FBXL13: variants seen among roughly 807,000 people sequenced by gnomAD.
FBXL13 encodes F-box and leucine rich repeat protein 13, also known as F-box and leucine-rich repeat protein 13.
Under a neutral mutation model 83.6 loss-of-function variants are expected in FBXL13, and 67 were observed. That is an observed-to-expected ratio of 0.80 (90% CI 0.66 to 0.98). The LOEUF is 0.98. Ranked by LOEUF, FBXL13 falls within the 50% of genes least tolerant of loss-of-function variation. The pLI is 0.00. For synonymous variants in FBXL13, 272 were observed against 299.5 expected, an observed-to-expected ratio of 0.91 and a Z score of 0.95; for missense variants, 822 against 866.5, an observed-to-expected ratio of 0.95 and a Z score of 0.64.
At position 102,883,705 on chromosome 7, in the gene FBXL13, T is replaced by C. The variant is rs1474352736; in HGVS notation, c.1108-20A>G. On this transcript the variant is annotated intron_variant, in intron 12 of 19. Coordinates refer to ENST00000313221, the Ensembl canonical transcript of FBXL13. ...TAAAGCCTTTAGAAGAAAAAAATGA[T>C]TAAATTAATCAAGTGTACAGAACAG... is the stretch of plus-strand genomic sequence containing the variant. The C allele has an allele frequency of 6.8e-7, 1 of 1,460,058 alleles. No individual in the cohort carries two copies. The highest frequency in any genetic ancestry group is 1.7e-5 in the Admixed American group (1 of 57,656). 90.4% of individuals were successfully genotyped at this position (1,460,058 alleles called of 1,614,324 possible).
chr7:103,046,320 T>C (rs897147833), intron 2 of FBXL13, among the ~76,000 whole-genome samples: 17 of 152,396 alleles, frequency 1.1e-4, no homozygotes, highest in African/African-American at 3.8e-4. Context: ...TGTGTAACAA[T>C]AGGCTTTACA....
rs529986030 is a variant in FBXL13, at chr7:102,925,209, C to G, written c.878+1065G>C. 4.8e-4 allele frequency among the ~76,000 whole-genome samples: 73 copies of G among 152,188 alleles called. 1 individual carries two copies. The South Asian group carries it at 0.015, about 31-fold the overall frequency. ...AGGAGTTTCAGACCAGCCTGGGCAA[C>G]ATGGTGAAACCCCATCTCTACAGAA... On this transcript the variant is annotated intron_variant, in intron 10 of 19. Transcript: ENST00000313221.
intron 17 of FBXL13, among the ~76,000 whole-genome samples, chr7:102,843,997 G>C (rs1443990105): frequency 6.6e-6 from 1 of 152,082 alleles, no homozygotes; most frequent in East Asian, 1.9e-4. Flanking sequence ...TTCATCAGTG[G>C]TGTCATCTGC....
intron 9 of FBXL13, among the ~76,000 whole-genome samples, chr7:102,931,165 A>G (rs182431706): frequency 6.6e-6 from 1 of 152,362 alleles, no homozygotes; most frequent in East Asian, 1.9e-4. Flanking sequence ...CATTTTAAGC[A>G]AAGAGCAAAT....
At chr7:103,010,004 A>C (rs1362240909) in intron 6 of FBXL13, among the ~76,000 whole-genome samples, 1 of 152,132 alleles carries the variant, frequency 6.6e-6, no homozygotes, top group Non-Finnish European at 1.5e-5. Context: ...CTGAGCCAGA[A>C]GGCATAGCTT....
intron 6 of FBXL13, among the ~76,000 whole-genome samples, chr7:103,022,047 A>G (rs1280950007): frequency 6.6e-6 from 1 of 152,206 alleles, no homozygotes; most frequent in East Asian, 1.9e-4. Flanking sequence ...TTATTGCGGC[A>G]CTAGTCACAA....
At chr7:102,878,112 T>C (rs934220218) in intron 15 of FBXL13, among the ~76,000 whole-genome samples, 1 of 152,106 alleles carries the variant, frequency 6.6e-6, no homozygotes, top group African/African-American at 2.4e-5. Flanking sequence ...CAGGAACGAC[T>C]CCCTCAGATG....
chr7:102,825,097 T>C (rs1001597462), intron 18 of FBXL13, among the ~76,000 whole-genome samples: 10 of 152,230 alleles, frequency 6.6e-5, no homozygotes, highest in African/African-American at 2.4e-4. Flanking sequence ...AAATAACATT[T>C]TGATGACTGT....
chr7:102,972,499 T>G (rs532655902), intron 6 of FBXL13, among the ~76,000 whole-genome samples: 14 of 152,028 alleles, frequency 9.2e-5, no homozygotes, highest in Non-Finnish European at 1.5e-4. Flanking sequence ...GTATATCATC[T>G]AAAACATGAA....
intron 18 of FBXL13, among the ~76,000 whole-genome samples, chr7:102,828,248 T>C (rs932234567): frequency 6.6e-6 from 1 of 152,180 alleles, no homozygotes; most frequent in Non-Finnish European, 1.5e-5. Context: ...TTGTATCCTC[T>C]TTTATTTCAT....
At chr7:102,872,423 A>G (rs758160343) in intron 16 of FBXL13, among the ~76,000 whole-genome samples, 10 of 152,202 alleles carry the variant, frequency 6.6e-5, no homozygotes, top group Admixed American at 2.6e-4. Context: ...CAGGACCTAC[A>G]TAACAGGCGC....
At chr7:102,944,298 G>A in intron 8 of FBXL13, 4 of 1,613,950 alleles carry the variant, frequency 2.5e-6, no homozygotes, top group Non-Finnish European at 3.4e-6. Flanking sequence ...TAGAAGACTT[G>A]TATTTTTTGA....
intron 8 of FBXL13, among the ~76,000 whole-genome samples, chr7:102,952,013 C>A (rs184102249): frequency 6.6e-6 from 1 of 152,116 alleles, no homozygotes; most frequent in Admixed American, 6.5e-5. Context: ...ATATTATTTA[C>A]CCTTAAAAAG....
chr7:102,989,724 T>C (rs952905386), intron 6 of FBXL13, among the ~76,000 whole-genome samples: 1 of 152,256 alleles, frequency 6.6e-6, no homozygotes, highest in Non-Finnish European at 1.5e-5. Context: ...CATAGTCTCC[T>C]ATCAGCTGTA....
chr7:103,061,695 C>A (rs1031840274), intron 1 of FBXL13, among the ~76,000 whole-genome samples: 1 of 151,014 alleles, frequency 6.6e-6, no homozygotes, highest in South Asian at 2.1e-4. Flanking sequence ...ATCCCAACAC[C>A]TGGGAGGCCA....
intron 8 of FBXL13, among the ~76,000 whole-genome samples, chr7:102,949,239 C>A (rs1166043951): frequency 1.3e-5 from 2 of 152,034 alleles, no homozygotes; most frequent in Non-Finnish European, 2.9e-5. Context: ...GCAGGAGAGA[C>A]AATGGAAAAG....
At chr7:102,945,511 G>A (rs1822323213) in intron 8 of FBXL13, among the ~76,000 whole-genome samples, 1 of 152,016 alleles carries the variant, frequency 6.6e-6, no homozygotes, top group Non-Finnish European at 1.5e-5. Context: ...ATAATACGAG[G>A]CCACTGAGGG....
rs576953910 is a variant in FBXL13 at position 102,889,286 on chromosome 7, T to C, written c.1009-4974A>G. 2.6e-5 allele frequency among the ~76,000 whole-genome samples: 4 copies of C among 152,292 alleles called. No homozygotes were observed. In the East Asian group the frequency reaches 7.7e-4, roughly 29 times the overall value. On this transcript the variant is annotated intron_variant, in intron 11 of 19. Transcript: ENST00000313221. Reference sequence around the variant, plus strand: ...ACACAGAGTGGGTGCTCCAGAAATGTTGAATGAATGAATGAATGGATTATC... The same window carrying C: ...ACACAGAGTGGGTGCTCCAGAAATGCTGAATGAATGAATGAATGGATTATC...
At chr7:103,038,142 A>G (rs1260411210) in intron 2 of FBXL13, among the ~76,000 whole-genome samples, 1 of 152,152 alleles carries the variant, frequency 6.6e-6, no homozygotes, top group African/African-American at 2.4e-5. Context: ...AGACCAGGAG[A>G]TACCCTCCCT....
Sources: allele counts gnomAD v4.1 joint callset (sites outside exome capture counted in the v4.1 genomes callset), GRCh38; gene constraint gnomAD v4.1.1; transcripts MANE v1.5; gene names NCBI Gene and HGNC (gene_info 2026-07-23, HGNC 2026-07-21).